ASNS: variants seen among roughly 807,000 people sequenced by gnomAD.
ASNS encodes asparagine synthetase [glutamine-hydrolyzing].
A neutral mutation model predicts 62.6 loss-of-function variants in ASNS; 37 were observed. That is an observed-to-expected ratio of 0.59 (90% CI 0.45 to 0.78). ASNS has a LOEUF of 0.78. Among genes scored for constraint, ASNS ranks in the 30% least tolerant of loss-of-function variants. ASNS has a pLI of 0.00. For synonymous variants in ASNS, 207 were observed against 237.9 expected, an observed-to-expected ratio of 0.87 and a Z score of 1.19; for missense variants, 520 against 682.4, an observed-to-expected ratio of 0.76 and a Z score of 2.65.
the ASNS span, among the ~76,000 whole-genome samples, chr7:97,922,292 G>A: frequency 1.3e-5 from 2 of 152,080 alleles, no homozygotes; most frequent in Non-Finnish European, 2.9e-5. Flanking sequence ...ATTGAGCTTG[G>A]GAAGTCAAGG....
At chr7:97,861,115 G>A (rs1265386965) in intron 4 of ASNS, among the ~76,000 whole-genome samples, 2 of 145,098 alleles carry the variant, frequency 1.4e-5, no homozygotes, top group Admixed American at 7.1e-5. Flanking sequence ...TCCGTCTCCC[G>A]GGTTCACGCC....
chr7:97,857,467 A>G (rs1449040499), intron 7 of ASNS, among the ~76,000 whole-genome samples: 1 of 152,114 alleles, frequency 6.6e-6, no homozygotes, highest in Admixed American at 6.6e-5. Flanking sequence ...TACCCTACTT[A>G]CTTTACATGA....
At chr7:97,925,379 T>A in the ASNS span, among the ~76,000 whole-genome samples, 1 of 152,138 alleles carries the variant, frequency 6.6e-6, no homozygotes, top group Non-Finnish European at 1.5e-5. Context: ...TGTAGACCAA[T>A]GGCTCTCAAC....
chr7:97,896,958 C>T, the ASNS span, among the ~76,000 whole-genome samples: 1 of 150,766 alleles, frequency 6.6e-6, no homozygotes, highest in South Asian at 2.1e-4. Context: ...GCCAGGAAAA[C>T]TAGATATCCA....
At chr7:97,889,077 C>T in the ASNS span, among the ~76,000 whole-genome samples, 10 of 152,226 alleles carry the variant, frequency 6.6e-5, no homozygotes, top group African/African-American at 1.7e-4. Flanking sequence ...GATTGGCCCA[C>T]GCAGACAGGC....
the ASNS span, chr7:97,906,333 C>A: frequency 1.0e-5 from 4 of 392,916 alleles, no homozygotes; most frequent in Non-Finnish European, 2.0e-5. Flanking sequence ...TAATCTCCCA[C>A]TCCCCAGAAA....
chr7:97,909,514 G>GT, the ASNS span, among the ~76,000 whole-genome samples: 127,077 of 151,066 alleles, frequency 0.84, 53,720 homozygotes, highest in East Asian at 0.91. Context: ...TCATCATGTC[G>GT]TGCAGGCTTG....
the ASNS span, among the ~76,000 whole-genome samples, chr7:97,894,478 A>C: frequency 8.2e-6 from 1 of 122,068 alleles, no homozygotes; most frequent in Non-Finnish European, 1.7e-5. Flanking sequence ...AGTGAGGCTA[A>C]CCAAAAAAAA....
At chr7:97,915,113 T>C in the ASNS span, among the ~76,000 whole-genome samples, 1 of 152,186 alleles carries the variant, frequency 6.6e-6, no homozygotes, top group Non-Finnish European at 1.5e-5. Flanking sequence ...AGGTCTTTAC[T>C]AAAGGCAAGT....
chr7:97,862,514 T>C (rs894086381), intron 4 of ASNS, among the ~76,000 whole-genome samples: 3 of 152,198 alleles, frequency 2.0e-5, no homozygotes, highest in Admixed American at 2.0e-4. Context: ...GCAATGAAAC[T>C]GTTCTACATA....
At chr7:97,887,628 A>G in the ASNS span, among the ~76,000 whole-genome samples, 2 of 152,236 alleles carry the variant, frequency 1.3e-5, no homozygotes, top group Non-Finnish European at 2.9e-5. Flanking sequence ...TGCTTCCAGC[A>G]GAAGATAAGA....
chr7:97,905,207 T>G, the ASNS span, among the ~76,000 whole-genome samples: 3 of 152,180 alleles, frequency 2.0e-5, no homozygotes, highest in Non-Finnish European at 4.4e-5. Context: ...CCCTCTAAAC[T>G]TCTCTTCACA....
intron 4 of ASNS, among the ~76,000 whole-genome samples, chr7:97,862,755 T>C (rs1219227045): frequency 1.3e-5 from 2 of 151,384 alleles, no homozygotes; most frequent in African/African-American, 4.9e-5. Context: ...TCTCAATTTT[T>C]TCTAAAACTG....
the ASNS span, among the ~76,000 whole-genome samples, chr7:97,912,585 T>TC: frequency 9.7e-6 from 1 of 103,144 alleles, no homozygotes; most frequent in African/African-American, 4.4e-5. Context: ...TTTTTTTTTT[T>TC]TTTTTTTTCT....
At chr7:97,893,261 A>C in the ASNS span, among the ~76,000 whole-genome samples, 208 of 133,998 alleles carry the variant, frequency 1.6e-3, no homozygotes, top group Admixed American at 2.8e-3. Flanking sequence ...TTCCCACTGG[A>C]TCCCTCCCAC....
At position 97,865,646 on chromosome 7, in the gene ASNS, T is replaced by C. The variant is rs377042322; in HGVS notation, c.250-1150A>G. ...TCCTACAGCTTGACTTTCTGTGTTA[T>C]AAGTGTTTCTACTTTTCCTTATCAC... On this transcript the variant is annotated intron_variant, in intron 3 of 12. Coordinates refer to ENST00000394308, the MANE Select transcript of ASNS (RefSeq NM_001673.5). Among the ~76,000 whole-genome samples, 25 of 152,328 alleles carry C rather than the reference T, an allele frequency of 1.6e-4. No individual in the cohort carries two copies. The East Asian group carries it at 3.3e-3, about 20-fold the overall frequency.
the ASNS span, among the ~76,000 whole-genome samples, chr7:97,900,978 A>T: frequency 6.6e-6 from 1 of 152,214 alleles, no homozygotes; most frequent in African/African-American, 2.4e-5. Context: ...TCAAAGGAAA[A>T]ATGCTAAGAA....
At chr7:97,852,938 TA>T in intron 12 of ASNS, 121 bp downstream of exon 12, 2 of 935,300 alleles carry the variant, frequency 2.1e-6, no homozygotes, top group Non-Finnish European at 3.0e-6. Flanking sequence ...TCATTCAAAC[TA>T]AATACATGTA....
chr7:97,923,309 G>A, the ASNS span, among the ~76,000 whole-genome samples: 1 of 151,456 alleles, frequency 6.6e-6, no homozygotes. Flanking sequence ...TTTAAAAATG[G>A]TCAGGCATGG....
Sources: allele counts gnomAD v4.1 joint callset (sites outside exome capture counted in the v4.1 genomes callset), GRCh38; gene constraint gnomAD v4.1.1; transcripts MANE v1.5; gene names NCBI Gene and HGNC (gene_info 2026-07-23, HGNC 2026-07-21).